The following LHPP variants were observed in gnomAD, a reference collection of about 807,000 sequenced individuals.
The protein encoded by LHPP is phospholysine phosphohistidine inorganic pyrophosphate phosphatase.
Under a neutral mutation model 30.3 loss-of-function variants are expected in LHPP, and 24 were observed. The observed-to-expected ratio is 0.79, with a 90% CI of 0.57 to 1.11. LHPP has a LOEUF of 1.11. LHPP is among the 50% of genes most tolerant of loss of function. The pLI is 0.00. For synonymous variants in LHPP, 150 were observed against 157.1 expected (o/e 0.95, Z 0.34); for missense variants, 356 against 367.2 (o/e 0.97, Z 0.25).
intron 6 of LHPP, among the ~76,000 whole-genome samples, chr10:124,609,353 C>T (rs1949136156): frequency 6.6e-6 from 1 of 152,164 alleles, no homozygotes; most frequent in South Asian, 2.1e-4. Flanking sequence ...GGTGATCCTC[C>T]CACCTCAGCC....
chr10:124,582,528 C>T (rs143009934), intron 6 of LHPP, among the ~76,000 whole-genome samples: 107 of 152,164 alleles, frequency 7.0e-4, no homozygotes, highest in Middle Eastern at 3.4e-3. Flanking sequence ...GTTAAGGGTG[C>T]TTGCTGCCTA....
At chr10:124,554,158 A>G (rs920038005) in intron 6 of LHPP, 1 of 593,890 alleles carries the variant, frequency 1.7e-6, no homozygotes, top group Non-Finnish European at 2.1e-6. Flanking sequence ...TCAACCTAAG[A>G]CTCAGTTTAT....
chr10:124,563,120 G>A (rs1948423416), intron 6 of LHPP, among the ~76,000 whole-genome samples: 1 of 151,946 alleles, frequency 6.6e-6, no homozygotes, highest in African/African-American at 2.4e-5. Flanking sequence ...TGGTACTCCT[G>A]GGCAGTTATC....
At position 124,561,163 on chromosome 10, in the gene LHPP, G is replaced by C. The variant is rs564850664; in HGVS notation, c.716+43892G>C. Among the ~76,000 whole-genome samples the C allele has an allele frequency of 1.9e-4, 29 of 152,320 alleles. No individual in the cohort carries two copies. In the South Asian group the frequency reaches 5.8e-3, roughly 30 times the overall value. ...TCTCCCTGGCTGAAGGACCAAGCCA[G>C]GGGCACCTGGCGAGACAGAAAACAT... On this transcript the variant is annotated intron_variant, in intron 6 of 6. Transcript: ENST00000368842.
chr10:124,555,911 GATGA>G (rs1948290528), intron 6 of LHPP, among the ~76,000 whole-genome samples: 1 of 152,018 alleles, frequency 6.6e-6, no homozygotes, highest in Non-Finnish European at 1.5e-5. Context: ...CCCCCTTACA[GATGA>G]ATGAAGTCAC....
chr10:124,488,629 A>G, intron 3 of LHPP, 54 bp downstream of exon 3: 1 of 1,516,894 alleles, frequency 6.6e-7, no homozygotes, highest in Non-Finnish European at 8.9e-7. Context: ...ATGCTGTGCC[A>G]GTCTCCAACT....
At chr10:124,561,360 A>G (rs1211188876) in intron 6 of LHPP, among the ~76,000 whole-genome samples, 1 of 152,120 alleles carries the variant, frequency 6.6e-6, no homozygotes, top group East Asian at 1.9e-4. Flanking sequence ...AGCCAGGAGC[A>G]GGGTGGGAAT....
rs751610329 is a variant in LHPP at position 124,461,970 on chromosome 10, G to C, written c.108G>C (p.Ser36=). ...GAGGGTAIAG[S]VEAVARLKRS... ...GCGGCGGCACGGCCATCGCCGGCTC[G>C]GTGGAGGCGGTGGCCAGGTGAGTGG... The change falls in exon 1 of 7, where the codon TCG becomes TCC. Residue 36 remains serine (S), a synonymous_variant. Transcript: ENST00000368842. 1.8e-5 allele frequency: 22 copies of C among 1,219,868 alleles called. No homozygotes were observed. Among genetic ancestry groups the C allele is most frequent in the Non-Finnish European group, 2.1e-5 (21 of 977,236 alleles). 75.6% of individuals were successfully genotyped at this position (1,219,868 alleles called of 1,614,324 possible).
At chr10:124,518,429 C>T (rs1049165486) in intron 6 of LHPP, among the ~76,000 whole-genome samples, 2 of 152,238 alleles carry the variant, frequency 1.3e-5, no homozygotes, top group African/African-American at 2.4e-5. Context: ...GGTCTTGCTG[C>T]TGCTCCCAGG....
chr10:124,607,432 G>A (rs1411427364), intron 6 of LHPP, among the ~76,000 whole-genome samples: 1 of 152,272 alleles, frequency 6.6e-6, no homozygotes, highest in African/African-American at 2.4e-5. Context: ...GCAAACACCG[G>A]CCGGGTGCTA....
chr10:124,591,854 G>T (rs1273058769), intron 6 of LHPP, among the ~76,000 whole-genome samples: 2 of 151,546 alleles, frequency 1.3e-5, no homozygotes, highest in Non-Finnish European at 1.5e-5. Flanking sequence ...CTGATCTTGG[G>T]TCTCTGACAA....
chr10:124,606,641 C>T (rs1433531636), intron 6 of LHPP, among the ~76,000 whole-genome samples: 3 of 152,246 alleles, frequency 2.0e-5, no homozygotes, highest in African/African-American at 7.2e-5. Flanking sequence ...AACTGAGGCT[C>T]GGGCAGGTGA....
intron 3 of LHPP, chr10:124,489,812 C>A: frequency 4.9e-6 from 1 of 205,674 alleles, no homozygotes; most frequent in Non-Finnish European, 9.8e-6. Flanking sequence ...GCAAAATAAC[C>A]CTCACCAGTT....
intron 1 of LHPP, among the ~76,000 whole-genome samples, chr10:124,471,462 TATTTATA>T (rs1952740561): frequency 1.7e-4 from 1 of 5,750 alleles, no homozygotes; most frequent in African/African-American, 2.1e-4. Context: ...TATTTATATA[TATTTATA>T]TATTATATAT....
At chr10:124,574,559 G>A (rs556783041) in intron 6 of LHPP, among the ~76,000 whole-genome samples, 7 of 152,288 alleles carry the variant, frequency 4.6e-5, no homozygotes, top group African/African-American at 1.7e-4. Flanking sequence ...ATCTGAACCC[G>A]GCACCTGTGC....
chr10:124,532,443 C>T (rs1954922090), intron 6 of LHPP, among the ~76,000 whole-genome samples: 2 of 152,232 alleles, frequency 1.3e-5, no homozygotes. Flanking sequence ...ACAGCAGTGC[C>T]TCCGATTCCA....
intron 6 of LHPP, among the ~76,000 whole-genome samples, chr10:124,602,647 G>C (rs1179278549): frequency 1.3e-5 from 2 of 152,184 alleles, no homozygotes; most frequent in African/African-American, 4.8e-5. Flanking sequence ...CTAGCCAGAG[G>C]ACAGGTCAGC....
chr10:124,463,820 C>CTTTT (rs35122241), intron 1 of LHPP, among the ~76,000 whole-genome samples: 4 of 120,774 alleles, frequency 3.3e-5, no homozygotes, highest in South Asian at 2.7e-4. Flanking sequence ...ATTTTTTTTT[C>CTTTT]TTTTTTTTTT....
intron 6 of LHPP, among the ~76,000 whole-genome samples, chr10:124,610,807 TGCTGATG>T (rs1257772329): frequency 9.6e-6 from 1 of 103,956 alleles, no homozygotes; most frequent in Non-Finnish European, 2.0e-5. Context: ...CGGGTGAGGG[TGCTGATG>T]GAGCGGGTGA....
Sources: allele counts gnomAD v4.1 joint callset (sites outside exome capture counted in the v4.1 genomes callset), GRCh38; gene constraint gnomAD v4.1.1; transcripts MANE v1.5; gene names NCBI Gene and HGNC (gene_info 2026-07-23, HGNC 2026-07-21).